KIF15: variants seen among roughly 807,000 people sequenced by gnomAD.
KIF15 encodes kinesin-like protein KIF15.
KIF15 carries 140 observed loss-of-function variants against 190.6 expected under a neutral mutation model. The observed-to-expected ratio is 0.73, with a 90% CI of 0.64 to 0.84. KIF15 has a LOEUF of 0.84. Among genes scored for constraint, KIF15 ranks in the 40% least tolerant of loss-of-function variants. The pLI is 0.00. For synonymous variants in KIF15, 528 were observed against 551.3 expected (o/e 0.96, Z 0.59); for missense variants, 1,372 against 1,584.4 (o/e 0.87, Z 2.28).
At chr3:44,819,495 G>T (rs1276192767) in intron 20 of KIF15, among the ~76,000 whole-genome samples, 1 of 152,040 alleles carries the variant, frequency 6.6e-6, no homozygotes, top group Non-Finnish European at 1.5e-5. Context: ...CCTTCATTTC[G>T]TTATTTACCC....
At chr3:44,775,488 ACT>A in intron 3 of KIF15, 51 bp downstream of exon 3, 1 of 1,376,458 alleles carries the variant, frequency 7.3e-7, no homozygotes, top group Non-Finnish European at 1.0e-6. Context: ...AAGGAGTCTC[ACT>A]CTGTCACCAG....
At chr3:44,861,887 G>A (rs761428997) in intron 6 of KIF15, 370 of 1,488,180 alleles carry the variant, frequency 2.5e-4, no homozygotes, top group Non-Finnish European at 3.2e-4. Context: ...GCTCTGCCCT[G>A]CGGGCAGCGG....
At chr3:44,810,772 T>C in intron 16 of KIF15, 74 bp from the exon 17 acceptor site, 1 of 1,203,640 alleles carries the variant, frequency 8.3e-7, no homozygotes, top group Non-Finnish European at 1.2e-6. Flanking sequence ...TTTTATCCTC[T>C]CTATTCACAA....
chr3:44,793,530 G>A (rs1041078901), intron 7 of KIF15, among the ~76,000 whole-genome samples: 17 of 152,176 alleles, frequency 1.1e-4, no homozygotes, highest in Middle Eastern at 3.2e-3. Flanking sequence ...CTGTAATGTG[G>A]AAAGGGAACA....
Position 44,830,888 on chromosome 3 carries a change from T to C in KIF15, c.3049-8T>C, listed in dbSNP as rs1422788297. On this transcript the variant is annotated splice_polypyrimidine_tract_variant and splice_region_variant and intron_variant, in intron 25 of 34. Transcript: ENST00000326047. ...ATGGCTCTTATAGCATGACTTTCTTTTCTACAGTGCAAATACAACTCTGCT... is the reference window on the plus strand; with the variant it reads ...ATGGCTCTTATAGCATGACTTTCTTCTCTACAGTGCAAATACAACTCTGCT... 1.6e-5 allele frequency: 26 copies of C among 1,608,620 alleles called. No homozygotes were observed. Among genetic ancestry groups the C allele is most frequent in the Non-Finnish European group, 2.1e-5 (25 of 1,178,598 alleles).
chr3:44,857,256 G>A (rs1033628613), downstream of KIF15, among the ~76,000 whole-genome samples: 6 of 152,144 alleles, frequency 3.9e-5, no homozygotes, highest in Non-Finnish European at 7.4e-5. Flanking sequence ...TGAAGGAGTC[G>A]GGAAGCAGAA....
chr3:44,828,421 A>C (rs1396512591), intron 24 of KIF15, 121 bp downstream of exon 24: 7 of 650,060 alleles, frequency 1.1e-5, no homozygotes, highest in Non-Finnish European at 1.9e-5. Flanking sequence ...GAATATTTCT[A>C]TATGCAGTTA....
In KIF15 at chr3:44,774,379, C is replaced by T. The variant is rs375779069; in HGVS notation, c.20-16C>T. 64 of 1,252,504 alleles carry T rather than the reference C, an allele frequency of 5.1e-5. No individual in the cohort carries two copies. In the African/African-American group the frequency reaches 8.8e-4, roughly 17 times the overall value. 77.6% of individuals were successfully genotyped at this position (1,252,504 alleles called of 1,614,324 possible). ...TTACAATTTAAATGACCTTTAATAA[C>T]TTTTTTTTTTTCTAGCTGAGTTACG... On this transcript the variant is annotated splice_polypyrimidine_tract_variant and intron_variant, in intron 1 of 34. Coordinates refer to ENST00000326047, the MANE Select transcript of KIF15 (RefSeq NM_020242.3).
chr3:44,863,070 A>G (rs1453159278), intron 6 of KIF15: 2 of 152,026 alleles, frequency 1.3e-5, no homozygotes, highest in African/African-American at 4.8e-5. Context: ...AAATTTGCAA[A>G]TTTAAAACAT....
At chr3:44,775,102 A>G in intron 2 of KIF15, 152 bp from the exon 3 acceptor site, 1 of 589,390 alleles carries the variant, frequency 1.7e-6, no homozygotes, top group Non-Finnish European at 2.9e-6. Flanking sequence ...CTCCATCTCA[A>G]AAAAAAAAAG....
chr3:44,784,233 G>T (rs528874851), intron 5 of KIF15, among the ~76,000 whole-genome samples: 1 of 152,076 alleles, frequency 6.6e-6, no homozygotes, highest in Admixed American at 6.5e-5. Context: ...GTGCAGTGGC[G>T]CCATCTCGGC....
At chr3:44,780,120 G>T (rs1706100545) in intron 4 of KIF15, among the ~76,000 whole-genome samples, 2 of 131,504 alleles carry the variant, frequency 1.5e-5, no homozygotes, top group Admixed American at 1.8e-4. Context: ...ATGTTGCCCA[G>T]TCCTGGAGTG....
chr3:44,821,869 C>G (rs1306425253), intron 20 of KIF15, among the ~76,000 whole-genome samples: 2 of 152,274 alleles, frequency 1.3e-5, no homozygotes, highest in Non-Finnish European at 2.9e-5. Flanking sequence ...CGTCTGCAAT[C>G]CCGGCACCTC....
intron 2 of KIF15, 57 bp from the exon 3 acceptor site, chr3:44,775,196 CT>C: frequency 2.9e-6 from 4 of 1,397,008 alleles, no homozygotes; most frequent in Non-Finnish European, 4.0e-6. Context: ...GACTTGGATC[CT>C]TTTTCAGTTT....
intron 6 of KIF15, among the ~76,000 whole-genome samples, chr3:44,859,188 C>T (rs1287204709): frequency 3.3e-5 from 5 of 152,208 alleles, no homozygotes; most frequent in Admixed American, 6.5e-5. Flanking sequence ...CTGGCCACTG[C>T]GGTTCAGACG....
chr3:44,796,695 C>A (rs1707001455), intron 8 of KIF15, among the ~76,000 whole-genome samples: 1 of 152,132 alleles, frequency 6.6e-6, no homozygotes, highest in African/African-American at 2.4e-5. Flanking sequence ...AAATATGCTA[C>A]CTACAGTAAA....
At chr3:44,804,039 G>A (rs549771587) in intron 14 of KIF15, among the ~76,000 whole-genome samples, 1 of 151,992 alleles carries the variant, frequency 6.6e-6, no homozygotes, top group Non-Finnish European at 1.5e-5. Context: ...GTAGAGATGG[G>A]GTTTCACCAT....
chr3:44,788,287 C>T (rs534523890), intron 7 of KIF15, among the ~76,000 whole-genome samples: 1 of 152,092 alleles, frequency 6.6e-6, no homozygotes, highest in East Asian at 1.9e-4. Flanking sequence ...TTGTTTGATG[C>T]TTTTTCCACC....
At chr3:44,864,223 C>G (rs1177397557) in intron 6 of KIF15, 1 of 1,614,046 alleles carries the variant, frequency 6.2e-7, no homozygotes, top group Admixed American at 1.7e-5. Flanking sequence ...GCGTCTTAGG[C>G]ATTATTGTGA....
Sources: gnomAD v4.1 joint callset for allele counts (sites outside exome capture counted in the v4.1 genomes callset) on GRCh38, gnomAD v4.1.1 for gene constraint, MANE v1.5 for transcripts, NCBI Gene and HGNC (gene_info 2026-07-23, HGNC 2026-07-21) for gene names.